Variants in ARHGAP29 observed in about 807,000 individuals in gnomAD.
ARHGAP29 encodes the protein Rho GTPase activating protein 29, also known as rho GTPase-activating protein 29.
ARHGAP29 carries 43 observed loss-of-function variants against 122.6 expected under a neutral mutation model. The ratio of observed to expected loss-of-function variants is 0.35; its 90% confidence interval spans 0.27 to 0.45. The LOEUF (loss-of-function observed/expected upper bound fraction) is 0.45. Ranked by LOEUF, ARHGAP29 falls within the 20% of genes least tolerant of loss-of-function variation. ARHGAP29 has a pLI of 1.00. For missense variants in ARHGAP29, 1,303 were observed against 1,477.2 expected (o/e 0.88, Z 1.93); for synonymous variants, 506 against 497.1 (o/e 1.02, Z -0.24).
the ARHGAP29 span, among the ~76,000 whole-genome samples, chr1:94,313,545 T>C: frequency 1.3e-5 from 2 of 152,206 alleles, no homozygotes; most frequent in Non-Finnish European, 2.9e-5. Context: ...GAGTGTAAAT[T>C]AGTTCAACCA....
chr1:94,255,396 C>T (rs1427932959), intron 1 of ARHGAP29, among the ~76,000 whole-genome samples: 1 of 152,202 alleles, frequency 6.6e-6, no homozygotes, highest in East Asian at 1.9e-4. Flanking sequence ...TTAAGCCTCC[C>T]AGTCTGCAGT....
At chr1:94,240,023 T>G (rs1653517072), upstream of ARHGAP29, among the ~76,000 whole-genome samples, 2 of 152,184 alleles carry the variant, frequency 1.3e-5, 1 homozygote, top group South Asian at 4.2e-4. Context: ...AAGAAAGAAT[T>G]CTGAAGGCCA....
At chr1:94,185,132 G>A in intron 17 of ARHGAP29, 72 bp from the exon 18 acceptor site, 1 of 1,402,986 alleles carries the variant, frequency 7.1e-7, no homozygotes, top group South Asian at 1.4e-5. Flanking sequence ...GCAGGTGGAA[G>A]GTAACACAAC....
intron 3 of ARHGAP29, 108 bp downstream of exon 3, chr1:94,220,150 T>C: frequency 1.6e-6 from 2 of 1,226,622 alleles, no homozygotes; most frequent in Non-Finnish European, 2.3e-6. Flanking sequence ...TTAACATACA[T>C]CACACAAATG....
At position 94,178,235 on chromosome 1, in the gene ARHGAP29, T is replaced by C. The variant is rs926697781; in HGVS notation, c.2481-68A>G. 5.3e-5 allele frequency: 77 copies of C among 1,458,942 alleles called. No individual in the cohort carries two copies. In the Admixed American group the frequency reaches 1.5e-3, roughly 28 times the overall value. The allele number at this position is 1,458,942 out of a possible 1,614,324, so 90.4% of individuals were successfully genotyped here. Reference sequence around the variant, plus strand: ...AGAGTTCCTTGACTGTAGTTTACTATGGAATAGAGAGGGTGGAGGGAAAAT... The same window carrying C: ...AGAGTTCCTTGACTGTAGTTTACTACGGAATAGAGAGGGTGGAGGGAAAAT... On this transcript the variant is annotated intron_variant, in intron 20 of 22. Coordinates refer to ENST00000260526, the MANE Select transcript of ARHGAP29 (RefSeq NM_004815.4).
In ARHGAP29 at chr1:94,186,492, A is replaced by G; in HGVS notation, c.1780+7T>C. ...TTAGTGGGACTTAATTCAGGTAAATACAATACCAGTTTCTGAAGGGGAAGG... is the reference window on the plus strand; with the variant it reads ...TTAGTGGGACTTAATTCAGGTAAATGCAATACCAGTTTCTGAAGGGGAAGG... On this transcript the variant is annotated splice_region_variant and intron_variant, in intron 16 of 22. Transcript: ENST00000260526. 6.2e-7 allele frequency: 1 copy of G among 1,604,896 alleles called. No individual in the cohort carries two copies. Among genetic ancestry groups the G allele is most frequent in the Non-Finnish European group, 8.5e-7 (1 of 1,171,866 alleles).
chr1:94,219,856 G>C (rs1652181895), intron 3 of ARHGAP29, among the ~76,000 whole-genome samples: 1 of 152,034 alleles, frequency 6.6e-6, no homozygotes. Flanking sequence ...TCCCAATTAA[G>C]CCTTCTTTTT....
chr1:94,250,369 C>A (rs1654036321), intron 1 of ARHGAP29: 1 of 152,178 alleles, frequency 6.6e-6, no homozygotes, highest in Non-Finnish European at 1.5e-5. Context: ...AATTTTAAAT[C>A]CACCCTTAGA....
chr1:94,193,908 T>C (rs879420512), intron 12 of ARHGAP29: 14 of 152,318 alleles, frequency 9.2e-5, no homozygotes, highest in Non-Finnish European at 1.2e-4. Context: ...CTCTTTATAA[T>C]ATGTATGACT....
intron 15 of ARHGAP29, among the ~76,000 whole-genome samples, chr1:94,188,544 A>G (rs1649945727): frequency 6.6e-6 from 1 of 152,128 alleles, no homozygotes; most frequent in African/African-American, 2.4e-5. Context: ...GAAACATTTA[A>G]AATAGCTAGA....
intron 22 of ARHGAP29, 83 bp downstream of exon 22, chr1:94,177,529 G>T: frequency 2.0e-6 from 2 of 1,005,014 alleles, no homozygotes; most frequent in South Asian, 1.8e-5. Flanking sequence ...TTCCCTCATT[G>T]CCCCTCACCT....
intron 17 of ARHGAP29, 120 bp downstream of exon 17, chr1:94,185,222 G>A: frequency 8.1e-7 from 1 of 1,230,126 alleles, no homozygotes; most frequent in Non-Finnish European, 1.1e-6. Context: ...TATAGAAGGT[G>A]TACTGTAGTA....
In ARHGAP29 at chr1:94,170,050, C is replaced by T. The variant is rs1648627683; in HGVS notation, c.*3819G>A. 6.6e-6 allele frequency among the ~76,000 whole-genome samples: 1 copy of T among 152,152 alleles called. No homozygotes were observed. ...AAGCCACGGACTCACCATTTGACAA[C>T]CAAAATAGTAATTGGTTCAGTCAAG... On this transcript the variant is annotated 3_prime_UTR_variant, in exon 23 of 23. Transcript: ENST00000260526.
Position 94,256,536 on chromosome 1 carries a change from C to CTTTTTTTTT in ARHGAP29, c.-33+18467_-33+18475dup, listed in dbSNP as rs530295333. Among the ~76,000 whole-genome samples, 50 of 45,330 alleles carry CTTTTTTTTT rather than the reference C, an allele frequency of 1.1e-3. 16 individuals carry two copies. Among genetic ancestry groups the CTTTTTTTTT allele is most frequent in the East Asian group, 2.6e-3 (2 of 780 alleles). The allele number at this position is 45,330 out of a possible 152,430, so 29.7% of individuals were successfully genotyped here. ...CAGAAATAGATTTAACAGTACTAAT[C>CTTTTTTTTT]TTTTTTTTTTTTTTTTTTTTTTTTT... is the stretch of plus-strand genomic sequence containing the variant. On this transcript the variant is annotated intron_variant and NMD_transcript_variant, in intron 1 of 25. Coordinates refer to the ARHGAP29 transcript ENST00000552844.
At chr1:94,269,110 C>T (rs556323867) in intron 1 of ARHGAP29, among the ~76,000 whole-genome samples, 124 of 152,044 alleles carry the variant, frequency 8.2e-4, no homozygotes, top group Non-Finnish European at 1.4e-3. Flanking sequence ...TCACATATCC[C>T]ACAGAGTAAT....
At chr1:94,237,756 C>T (rs1653394445), upstream of ARHGAP29, 2 of 985,432 alleles carry the variant, frequency 2.0e-6, no homozygotes, top group South Asian at 4.7e-5. Context: ...TTGCGCGCGG[C>T]CGGACGCTGT....
chr1:94,204,396 G>A (rs2101518931), intron 7 of ARHGAP29, among the ~76,000 whole-genome samples: 1 of 152,268 alleles, frequency 6.6e-6, no homozygotes, highest in East Asian at 1.9e-4. Context: ...CTGAAGGATA[G>A]GACCTAGGCT....
At chr1:94,208,110 C>G (rs1024141578) in intron 5 of ARHGAP29, among the ~76,000 whole-genome samples, 6 of 152,088 alleles carry the variant, frequency 3.9e-5, no homozygotes, top group African/African-American at 1.2e-4. Flanking sequence ...AGTGCCGGGA[C>G]TATAGGTGTG....
chr1:94,284,341 C>A, the ARHGAP29 span, among the ~76,000 whole-genome samples: 12 of 152,280 alleles, frequency 7.9e-5, no homozygotes, highest in African/African-American at 2.9e-4. Context: ...TATTTTGCAT[C>A]CTTACCTCAG....
Sources: allele counts gnomAD v4.1 joint callset (sites outside exome capture counted in the v4.1 genomes callset), GRCh38; gene constraint gnomAD v4.1.1; transcripts MANE v1.5; gene names NCBI Gene and HGNC (gene_info 2026-07-23, HGNC 2026-07-21).